SLC23A2: variants seen among roughly 807,000 people sequenced by gnomAD.
The protein encoded by SLC23A2 is Na(+)/L-ascorbic acid transporter 2.
In SLC23A2, 36 loss-of-function variants were observed where a neutral mutation model predicts 73.3. That is an observed-to-expected ratio of 0.49 (90% CI 0.38 to 0.65). The LOEUF (loss-of-function observed/expected upper bound fraction) is 0.65, where lower values mean the gene tolerates loss of function less well. Ranked by LOEUF, SLC23A2 falls within the 30% of genes least tolerant of loss-of-function variation. SLC23A2 has a pLI of 0.00. For synonymous variants in SLC23A2, 343 were observed against 327.3 expected (o/e 1.05, Z -0.52); for missense variants, 507 against 841.6 (o/e 0.60, Z 4.92).
In SLC23A2 at chr20:4,899,301, G is replaced by C. The variant is rs931110813; in HGVS notation, c.482+254C>G. Among the ~76,000 whole-genome samples, 1 of 152,154 alleles carries C rather than the reference G, an allele frequency of 6.6e-6. No individual in the cohort carries two copies. Among genetic ancestry groups the C allele is most frequent in the African/African-American group, 2.4e-5 (1 of 41,426 alleles). ...GGGGAGCGAGCATGACTTGCCAAGGGGGCAGGGGAAGGAGAGTGAGGCTGA... is the reference window on the plus strand; with the variant it reads ...GGGGAGCGAGCATGACTTGCCAAGGCGGCAGGGGAAGGAGAGTGAGGCTGA... On this transcript the variant is annotated intron_variant, in intron 6 of 16. Coordinates refer to ENST00000338244, the MANE Select transcript of SLC23A2 (RefSeq NM_005116.6). The surrounding 1 kb of genome is among the most constrained non-coding windows in gnomAD (Gnocchi z 4.9).
At position 4,992,503 on chromosome 20, in the gene SLC23A2, GTTT is replaced by G. The variant is rs140932210; in HGVS notation, c.-282+8900_-282+8902del. ...CATGGGAAATAAAAAAAGATTGACA[GTTT>G]TTTTTTTTTTTTTTTTTTGGAGACG... On this transcript the variant is annotated intron_variant, in intron 1 of 16. Coordinates refer to ENST00000338244, the MANE Select transcript of SLC23A2 (RefSeq NM_005116.6). 5.5e-3 allele frequency among the ~76,000 whole-genome samples: 527 copies of G among 95,740 alleles called. 3 individuals carry two copies. The highest frequency in any genetic ancestry group is 0.015 in the African/African-American group (364 of 23,766). The allele number at this position is 95,740 out of a possible 152,430, so 62.8% of individuals were successfully genotyped here.
intron 15 of SLC23A2, among the ~76,000 whole-genome samples, chr20:4,860,466 C>T (rs1337349051): frequency 1.3e-5 from 2 of 152,166 alleles, no homozygotes; most frequent in Non-Finnish European, 2.9e-5. Context: ...TGCTCCCTGA[C>T]GTTTCTACAC....
At chr20:4,887,250 G>C (rs562733553) in intron 6 of SLC23A2, among the ~76,000 whole-genome samples, 18 of 152,360 alleles carry the variant, frequency 1.2e-4, no homozygotes, top group African/African-American at 4.3e-4. Context: ...CCTGAAGTGG[G>C]AATGTACGTC....
chr20:4,998,541 T>C lies in SLC23A2; in HGVS notation c.-282+2865A>G, dbSNP rs1361129712. Among the ~76,000 whole-genome samples, 1 of 151,952 alleles carries C rather than the reference T, an allele frequency of 6.6e-6. No homozygotes were observed. The highest frequency in any genetic ancestry group is 1.5e-5 in the Non-Finnish European group (1 of 67,990). On this transcript the variant is annotated intron_variant, in intron 1 of 16. Transcript: ENST00000338244. This position sits in a 1 kb window ranked among gnomAD's most constrained non-coding sequence, Gnocchi z 4.1. ...CTTAACCTGGAGGAGGATGGTTCCCTACAGAAAGAATAAAAGCAAGCCCAG... is the reference window on the plus strand; with the variant it reads ...CTTAACCTGGAGGAGGATGGTTCCCCACAGAAAGAATAAAAGCAAGCCCAG...
At chr20:4,954,713 A>AAAAAAAAAAG (rs1808177444) in intron 2 of SLC23A2, among the ~76,000 whole-genome samples, 1 of 150,126 alleles carries the variant, frequency 6.7e-6, no homozygotes, top group African/African-American at 2.5e-5. Flanking sequence ...AAAAAAAAAA[A>AAAAAAAAAAG]AAAGAAAGAA....
chr20:4,922,593 G>A (rs576458230), intron 3 of SLC23A2, among the ~76,000 whole-genome samples: 9 of 151,974 alleles, frequency 5.9e-5, no homozygotes, highest in Middle Eastern at 3.4e-3. Context: ...TTGGGAGGCC[G>A]AGGCAGGAGG....
intron 1 of SLC23A2, among the ~76,000 whole-genome samples, chr20:4,987,971 A>G (rs2087858576): frequency 6.6e-6 from 1 of 150,890 alleles, no homozygotes; most frequent in Non-Finnish European, 1.5e-5. Flanking sequence ...AGTTAAACCT[A>G]TTCTGCAAGT....
chr20:4,876,539 A>G (rs1437222145), intron 9 of SLC23A2, among the ~76,000 whole-genome samples: 1 of 152,208 alleles, frequency 6.6e-6, no homozygotes, highest in Non-Finnish European at 1.5e-5. Flanking sequence ...CCATGTCCAC[A>G]CATCTTAACT....
intron 3 of SLC23A2, among the ~76,000 whole-genome samples, chr20:4,925,971 C>T (rs1932658684): frequency 6.6e-6 from 1 of 152,220 alleles, no homozygotes; most frequent in African/African-American, 2.4e-5. Context: ...TGCTGGCTGT[C>T]TTGCCATATG....
At chr20:4,974,592 C>T (rs1045921263) in intron 1 of SLC23A2, among the ~76,000 whole-genome samples, 1 of 151,154 alleles carries the variant, frequency 6.6e-6, no homozygotes, top group African/African-American at 2.4e-5. Flanking sequence ...CAAACTCAAA[C>T]ACTACATATT....
At chr20:4,946,916 C>G (rs1266678532) in intron 2 of SLC23A2, among the ~76,000 whole-genome samples, 1 of 152,196 alleles carries the variant, frequency 6.6e-6, no homozygotes, top group Non-Finnish European at 1.5e-5. Context: ...CAAACAGATG[C>G]TACAGCGCCT....
chr20:4,929,417 G>C (rs946653992), intron 3 of SLC23A2, among the ~76,000 whole-genome samples: 7 of 152,232 alleles, frequency 4.6e-5, no homozygotes, highest in Non-Finnish European at 1.0e-4. Context: ...GGCCAGGCAG[G>C]CTTCCCCACT....
chr20:4,878,398 C>T (rs2122815039), intron 9 of SLC23A2, among the ~76,000 whole-genome samples: 1 of 152,182 alleles, frequency 6.6e-6, no homozygotes, highest in Admixed American at 6.5e-5. Context: ...GTTGGCCAGG[C>T]TGGTTGAGAA....
chr20:4,918,934 C>T (rs1003815169), intron 3 of SLC23A2, among the ~76,000 whole-genome samples: 4 of 152,178 alleles, frequency 2.6e-5, no homozygotes, highest in Admixed American at 2.0e-4. Context: ...TGTGTGCACA[C>T]ACCGTTATTT....
intron 1 of SLC23A2, among the ~76,000 whole-genome samples, chr20:4,976,313 C>T (rs890688805): frequency 9.9e-5 from 15 of 152,084 alleles, no homozygotes; most frequent in African/African-American, 3.4e-4. Flanking sequence ...AAATAGAGGA[C>T]ATTTTTTAAG....
chr20:4,945,645 G>C (rs1190785005), intron 2 of SLC23A2, among the ~76,000 whole-genome samples: 1 of 152,124 alleles, frequency 6.6e-6, no homozygotes, highest in Admixed American at 6.6e-5. Flanking sequence ...TAAATTAGTG[G>C]ATCTTGACCA....
At chr20:4,971,466 G>A (rs976062293) in intron 1 of SLC23A2, among the ~76,000 whole-genome samples, 2 of 151,512 alleles carry the variant, frequency 1.3e-5, no homozygotes, top group Non-Finnish European at 1.5e-5. Context: ...GGATGACAGA[G>A]TGAGACTCTG....
chr20:4,925,324 T>C (rs1459484396), intron 3 of SLC23A2, among the ~76,000 whole-genome samples: 2 of 152,180 alleles, frequency 1.3e-5, no homozygotes, highest in African/African-American at 4.8e-5. Flanking sequence ...TCCTGTATGA[T>C]CACTGTCTGA....
intron 15 of SLC23A2, among the ~76,000 whole-genome samples, chr20:4,861,227 T>C (rs1174175827): frequency 6.6e-6 from 1 of 152,236 alleles, no homozygotes; most frequent in East Asian, 1.9e-4. Context: ...CAGGCGGTGA[T>C]GGGGATTTAC....
Sources: allele counts gnomAD v4.1 joint callset (sites outside exome capture counted in the v4.1 genomes callset), GRCh38; gene constraint gnomAD v4.1.1; non-coding constraint Gnocchi (gnomAD v3.1); transcripts MANE v1.5; gene names NCBI Gene and HGNC (gene_info 2026-07-23, HGNC 2026-07-21).